The following SLC14A2 variants were observed in gnomAD, a reference collection of about 807,000 sequenced individuals.
The protein encoded by SLC14A2 is urea transporter 2.
In SLC14A2, 91 loss-of-function variants were observed where a neutral mutation model predicts 104.6. That is an observed-to-expected ratio of 0.87 (90% CI 0.73 to 1.04). The LOEUF (loss-of-function observed/expected upper bound fraction) is 1.04. Among genes scored for constraint, SLC14A2 ranks in the 50% least tolerant of loss-of-function variants. SLC14A2 has a pLI of 0.00. For synonymous variants in SLC14A2, 476 were observed against 466.4 expected (o/e 1.02, Z -0.27); for missense variants, 1,189 against 1,156.0 (o/e 1.03, Z -0.41).
At chr18:45,454,016 G>A (rs1048533157) in intron 1 of SLC14A2, among the ~76,000 whole-genome samples, 17 of 151,682 alleles carry the variant, frequency 1.1e-4, no homozygotes, top group African/African-American at 3.9e-4. Context: ...CATGCCACCA[G>A]GCCCAGCTAA....
intron 1 of SLC14A2, chr18:45,435,074 G>A (rs1358895434): frequency 6.6e-6 from 1 of 152,118 alleles, no homozygotes; most frequent in Admixed American, 6.6e-5. Flanking sequence ...TTTGCAGTCA[G>A]GTAGGAATCC....
intron 7 of SLC14A2, among the ~76,000 whole-genome samples, 167 bp downstream of exon 7, chr18:45,640,060 G>A (rs759534844): frequency 8.6e-5 from 13 of 151,998 alleles, no homozygotes; most frequent in Non-Finnish European, 1.6e-4. Flanking sequence ...TTGGGAGGCC[G>A]AGGCACATAG....
intron 1 of SLC14A2, among the ~76,000 whole-genome samples, chr18:45,285,964 G>C (rs992408889): frequency 3.9e-5 from 6 of 152,150 alleles, no homozygotes; most frequent in African/African-American, 1.2e-4. Context: ...TAATTGGTCT[G>C]GTTTGGAGCC....
intron 1 of SLC14A2, among the ~76,000 whole-genome samples, chr18:45,382,634 G>C (rs1231091012): frequency 6.6e-6 from 1 of 152,126 alleles, no homozygotes; most frequent in Non-Finnish European, 1.5e-5. Flanking sequence ...TGAGTTTAAG[G>C]CTATTGTTAT....
chr18:45,465,286 A>G (rs2087120201), intron 1 of SLC14A2, among the ~76,000 whole-genome samples: 1 of 152,218 alleles, frequency 6.6e-6, no homozygotes, highest in Non-Finnish European at 1.5e-5. Context: ...AATCAATTGC[A>G]TATGTGTGCA....
intron 1 of SLC14A2, among the ~76,000 whole-genome samples, chr18:45,405,294 A>C (rs118045091): frequency 6.6e-6 from 1 of 152,160 alleles, no homozygotes; most frequent in Non-Finnish European, 1.5e-5. Flanking sequence ...CAAGTTGGCA[A>C]ACTAAGCCAG....
At chr18:45,241,753 C>T (rs1250826432) in intron 1 of SLC14A2, among the ~76,000 whole-genome samples, 1 of 150,470 alleles carries the variant, frequency 6.6e-6, no homozygotes, top group Admixed American at 6.7e-5. Flanking sequence ...AAACGACTCT[C>T]CTGCCTCAGC....
At chr18:45,308,645 T>C (rs1321559472) in intron 1 of SLC14A2, among the ~76,000 whole-genome samples, 1 of 152,196 alleles carries the variant, frequency 6.6e-6, no homozygotes, top group Non-Finnish European at 1.5e-5. Context: ...CTTGGAGCTG[T>C]CAGTGCCGCC....
chr18:45,636,923 G>A (rs2144541202), intron 5 of SLC14A2, 67 bp from the exon 6 acceptor site: 2 of 1,312,254 alleles, frequency 1.5e-6, no homozygotes, highest in Non-Finnish European at 2.2e-6. Context: ...ACAGTGGCCA[G>A]AGCTGCTGAG....
chr18:45,497,399 A>G (rs558866049), intron 2 of SLC14A2, among the ~76,000 whole-genome samples: 3 of 152,336 alleles, frequency 2.0e-5, no homozygotes, highest in African/African-American at 7.2e-5. Context: ...TGTGGGGGTC[A>G]TATTCAACTG....
Position 45,648,995 on chromosome 18 carries a change from C to A in SLC14A2, c.1351+4835C>A, listed in dbSNP as rs574478075. On this transcript the variant is annotated intron_variant, in intron 10 of 19. Transcript: ENST00000255226. ...GACCATCCTGGCTAACATGGTGAAA[C>A]CCTGTCTCTACTAAAAATACAAAAA... 2.2e-4 allele frequency among the ~76,000 whole-genome samples: 34 copies of A among 152,152 alleles called. No individual in the cohort carries two copies. In the East Asian group the frequency reaches 6.6e-3, roughly 29 times the overall value.
intron 1 of SLC14A2, among the ~76,000 whole-genome samples, chr18:45,234,111 A>G (rs1461653419): frequency 2.0e-5 from 3 of 152,064 alleles, no homozygotes; most frequent in African/African-American, 7.2e-5. Flanking sequence ...ATTAAGAAAA[A>G]TTAAGTGCTG....
chr18:45,632,358 T>C lies in SLC14A2; in HGVS notation c.530T>C (p.Ile177Thr), dbSNP rs1285827649. Residue 177 changes from isoleucine to threonine, a missense_variant, in exon 5 of 20, where the codon ATT (isoleucine) becomes ACT (threonine). Physicochemically the swap from Ile to Thr is moderately conservative, Grantham distance 89 (BLOSUM62 -1). Coordinates refer to ENST00000255226, the MANE Select transcript of SLC14A2 (RefSeq NM_007163.4). Reference protein sequence around the residue: ...ALALGQDRSAIASGLHGYNGM... With the variant: ...ALALGQDRSATASGLHGYNGM... ...GTCTGTTTCACCGCCAGGTCTGCCA[T>C]TGCCTCAGGACTCCATGGGTACAAC... 6.2e-7 allele frequency: 1 copy of C among 1,611,300 alleles called. No homozygotes were observed. The highest frequency in any genetic ancestry group is 8.5e-7 in the Non-Finnish European group (1 of 1,179,018).
intron 2 of SLC14A2, among the ~76,000 whole-genome samples, chr18:45,520,817 T>C (rs374379926): frequency 6.6e-6 from 1 of 152,308 alleles, no homozygotes; most frequent in East Asian, 1.9e-4. Flanking sequence ...ATTTGTGGGT[T>C]ACCATGAGAA....
intron 4 of SLC14A2, among the ~76,000 whole-genome samples, 180 bp from the exon 5 acceptor site, chr18:45,632,167 GTGT>G (rs2045356098): frequency 7.0e-6 from 1 of 143,180 alleles, no homozygotes; most frequent in East Asian, 2.1e-4. Context: ...GTGTGTGTGT[GTGT>G]TATCAGGAAA....
chr18:45,297,943 T>C (rs2084932616), intron 1 of SLC14A2, among the ~76,000 whole-genome samples: 1 of 152,156 alleles, frequency 6.6e-6, no homozygotes, highest in African/African-American at 2.4e-5. Context: ...GACAAGCCAC[T>C]CACTCAAAAG....
chr18:45,493,280 C>A (rs931436011), intron 2 of SLC14A2: 11 of 152,180 alleles, frequency 7.2e-5, no homozygotes, highest in Middle Eastern at 3.2e-3. Flanking sequence ...CAAGTAAAAA[C>A]ATATGTGAAA....
chr18:45,642,155 G>A (rs2144557560), intron 8 of SLC14A2, among the ~76,000 whole-genome samples: 1 of 152,350 alleles, frequency 6.6e-6, no homozygotes, highest in East Asian at 1.9e-4. Context: ...AAGCAGGACA[G>A]GACATTAATA....
intron 2 of SLC14A2, among the ~76,000 whole-genome samples, chr18:45,500,329 G>A (rs9952596): frequency 0.011 from 1,706 of 152,140 alleles, 26 homozygotes; most frequent in African/African-American, 0.039. Context: ...TGTAATCCCA[G>A]CACTTTGGGA....
Sources: allele counts gnomAD v4.1 joint callset (sites outside exome capture counted in the v4.1 genomes callset), GRCh38; gene constraint gnomAD v4.1.1; transcripts MANE v1.5; gene names NCBI Gene and HGNC (gene_info 2026-07-23, HGNC 2026-07-21).